Variants in AFG1L observed in about 807,000 individuals in gnomAD.
The protein encoded by AFG1L is AFG1-like ATPase.
In AFG1L, 53 loss-of-function variants were observed where a neutral mutation model predicts 62.2. The ratio of observed to expected loss-of-function variants is 0.85; its 90% CI spans 0.68 to 1.07. AFG1L has a LOEUF of 1.07. Among genes scored for constraint, AFG1L ranks in the 50% least tolerant of loss-of-function variants. The pLI, the probability that AFG1L is intolerant of heterozygous loss-of-function variation, is 0.00. For missense variants in AFG1L, 555 were observed against 590.5 expected, an observed-to-expected ratio of 0.94 and a Z score of 0.62; for synonymous variants, 228 against 210.3, an observed-to-expected ratio of 1.08 and a Z score of -0.73.
intron 6 of AFG1L, among the ~76,000 whole-genome samples, chr6:108,396,841 A>G (rs1345110619): frequency 1.3e-5 from 2 of 152,102 alleles, no homozygotes; most frequent in Non-Finnish European, 1.5e-5. Context: ...TGGTACAGGT[A>G]TGAGATTATT....
At chr6:108,384,089 G>A (rs1420905984) in intron 6 of AFG1L, among the ~76,000 whole-genome samples, 1 of 149,452 alleles carries the variant, frequency 6.7e-6, no homozygotes, top group African/African-American at 2.5e-5. Flanking sequence ...AAGGCTGGCA[G>A]ATTCTTGAGG....
intron 11 of AFG1L, among the ~76,000 whole-genome samples, chr6:108,515,616 C>G (rs1427413107): frequency 6.6e-6 from 1 of 152,134 alleles, no homozygotes; most frequent in African/African-American, 2.4e-5. Context: ...CAAACACATT[C>G]AAAAGCTAGC....
chr6:108,515,938 A>C (rs1220617988), intron 11 of AFG1L, among the ~76,000 whole-genome samples: 1 of 152,226 alleles, frequency 6.6e-6, no homozygotes, highest in African/African-American at 2.4e-5. Flanking sequence ...ACACCCTCCC[A>C]AGACTAAACC....
chr6:108,424,015 G>A (rs1454359493), intron 7 of AFG1L, among the ~76,000 whole-genome samples: 1 of 152,044 alleles, frequency 6.6e-6, no homozygotes, highest in African/African-American at 2.4e-5. Context: ...GAATATATAT[G>A]TAATATGCAT....
chr6:108,422,481 A>AAAAAAAAAAAAAAAAAAAG (rs1770640235), intron 7 of AFG1L, among the ~76,000 whole-genome samples: 1 of 138,176 alleles, frequency 7.2e-6, no homozygotes, highest in Non-Finnish European at 1.5e-5. Context: ...CCTCAGCAAA[A>AAAAAAAAAAAAAAAAAAAG]AAAAAAAAAA....
intron 2 of AFG1L, among the ~76,000 whole-genome samples, chr6:108,332,816 C>T (rs776827501): frequency 1.3e-4 from 19 of 151,946 alleles, no homozygotes; most frequent in Non-Finnish European, 2.5e-4. Context: ...CATGTTGCCT[C>T]GGCTGGTCTT....
At chr6:108,517,057 C>T (rs925431426) in intron 11 of AFG1L, among the ~76,000 whole-genome samples, 41 of 152,090 alleles carry the variant, frequency 2.7e-4, no homozygotes, top group African/African-American at 9.4e-4. Context: ...GAATCAATAT[C>T]GTGAAAATGG....
chr6:108,332,106 C>A (rs1778297881), intron 2 of AFG1L, among the ~76,000 whole-genome samples: 1 of 152,196 alleles, frequency 6.6e-6, no homozygotes, highest in South Asian at 2.1e-4. Context: ...ACAGGCAATA[C>A]ATAAATAACT....
At chr6:108,361,203 A>G (rs556887452) in intron 5 of AFG1L, among the ~76,000 whole-genome samples, 1 of 152,328 alleles carries the variant, frequency 6.6e-6, no homozygotes, top group South Asian at 2.1e-4. Context: ...TGTCCAGTTT[A>G]TGCCTGTCTG....
intron 7 of AFG1L, among the ~76,000 whole-genome samples, chr6:108,404,219 A>G (rs1192927698): frequency 6.6e-6 from 1 of 152,184 alleles, no homozygotes; most frequent in Non-Finnish European, 1.5e-5. Context: ...GCAAAAGTCA[A>G]TCTTAAAACA....
chr6:108,378,257 C>G (rs1780337445), intron 6 of AFG1L, among the ~76,000 whole-genome samples: 1 of 151,838 alleles, frequency 6.6e-6, no homozygotes, highest in Non-Finnish European at 1.5e-5. Flanking sequence ...CAATTTTTAA[C>G]TTTGTCTTGG....
chr6:108,483,559 T>C (rs1773409034), intron 10 of AFG1L, among the ~76,000 whole-genome samples: 1 of 152,244 alleles, frequency 6.6e-6, no homozygotes, highest in South Asian at 2.1e-4. Flanking sequence ...ACCTGAATTT[T>C]CCTTGTTGAG....
At position 108,522,600 on chromosome 6, in the gene AFG1L, CA is replaced by C. The variant is rs1775167395; in HGVS notation, c.*176del. The C allele has an allele frequency of 3.7e-6, 2 of 537,806 alleles. No homozygotes were observed. The highest frequency in any genetic ancestry group is 6.0e-6 in the Non-Finnish European group (2 of 333,560). The allele number at this position is 537,806 out of a possible 1,614,324, so 33.3% of individuals were successfully genotyped here. On this transcript the variant is annotated 3_prime_UTR_variant, in exon 13 of 13. Coordinates refer to ENST00000368977, the MANE Select transcript of AFG1L (RefSeq NM_145315.5). ...GTGGATTAGTAAGTTAAACACTTAA[CA>C]TTTTTTAGGTCTGCTTTTTCTTATT...
intron 2 of AFG1L, among the ~76,000 whole-genome samples, chr6:108,343,034 T>C (rs1402248093): frequency 1.3e-5 from 2 of 151,808 alleles, no homozygotes; most frequent in Non-Finnish European, 2.9e-5. Flanking sequence ...GAGGGAAAAA[T>C]AGAAGAGAGG....
intron 6 of AFG1L, 27 bp downstream of exon 6, chr6:108,366,359 A>C: frequency 4.9e-6 from 7 of 1,414,800 alleles, no homozygotes; most frequent in Non-Finnish European, 7.0e-6. Context: ...TGCTAGTCTC[A>C]TCCAATTAGG....
At chr6:108,346,954 T>C (rs1778885269) in intron 2 of AFG1L, 34 bp from the exon 3 acceptor site, 2 of 1,505,898 alleles carry the variant, frequency 1.3e-6, no homozygotes, top group South Asian at 2.3e-5. Flanking sequence ...ATTATTTGCA[T>C]GGTAGAGATT....
At chr6:108,479,747 T>C (rs530423614) in intron 10 of AFG1L, among the ~76,000 whole-genome samples, 1 of 152,222 alleles carries the variant, frequency 6.6e-6, no homozygotes, top group South Asian at 2.1e-4. Context: ...TAAGTAAAGA[T>C]AAAAACACAT....
intron 7 of AFG1L, among the ~76,000 whole-genome samples, chr6:108,431,597 CTT>C (rs5878977): frequency 2.3e-3 from 229 of 98,420 alleles, no homozygotes; most frequent in African/African-American, 7.4e-3. Context: ...TTCTTTGTTG[CTT>C]TTTTTTTTTT....
chr6:108,373,266 A>T (rs1328575667), intron 6 of AFG1L, among the ~76,000 whole-genome samples: 1 of 151,642 alleles, frequency 6.6e-6, no homozygotes, highest in African/African-American at 2.4e-5. Flanking sequence ...TCTAGCTCCC[A>T]CTCATAAGTG....
Sources: allele counts gnomAD v4.1 joint callset (sites outside exome capture counted in the v4.1 genomes callset), GRCh38; gene constraint gnomAD v4.1.1; transcripts MANE v1.5; gene names NCBI Gene and HGNC (gene_info 2026-07-23, HGNC 2026-07-21).